The following HM13 variants were observed in gnomAD, a reference collection of about 807,000 sequenced individuals.
The protein encoded by HM13 is signal peptide peptidase.
Under a neutral mutation model 50.0 loss-of-function variants are expected in HM13, and 18 were observed. That is an observed-to-expected ratio of 0.36 (90% CI 0.25 to 0.53). HM13 has a LOEUF of 0.53. Ranked by LOEUF, HM13 falls within the 20% of genes least tolerant of loss-of-function variation. The pLI is 0.90. For synonymous variants in HM13, 197 were observed against 232.6 expected (o/e 0.85, Z 1.39); for missense variants, 393 against 552.4 (o/e 0.71, Z 2.89).
chr20:31,554,443 G>A (rs1393820627), intron 7 of HM13: 1 of 258,900 alleles, frequency 3.9e-6, no homozygotes, highest in African/African-American at 2.3e-5. Context: ...AGCACTTTGG[G>A]AGGTCGAGGC....
At chr20:31,548,315 T>C in intron 4 of HM13, 1 of 364,372 alleles carries the variant, frequency 2.7e-6, no homozygotes, top group Non-Finnish European at 5.1e-6. Context: ...CCACAGCCTC[T>C]AGTTGTCTTC....
intron 11 of HM13, 90 bp from the exon 12 acceptor site, chr20:31,567,988 T>C: frequency 8.7e-7 from 1 of 1,154,480 alleles, no homozygotes; most frequent in Non-Finnish European, 1.2e-6. Flanking sequence ...ACAGTTCTGC[T>C]CTCTGCTCCT....
chr20:31,523,435 G>A (rs1982301917), intron 1 of HM13, among the ~76,000 whole-genome samples: 1 of 151,906 alleles, frequency 6.6e-6, no homozygotes, highest in South Asian at 2.1e-4. Context: ...GCTAATTTTT[G>A]TATTTTTAGT....
rs141042234 is a variant in HM13 at position 31,523,377 on chromosome 20, C to T, written c.184-4107C>T. On this transcript the variant is annotated intron_variant, in intron 1 of 12. Coordinates refer to ENST00000398174, the MANE Select transcript of HM13 (RefSeq NM_178581.3). ...TCCCAGGTTCAAGCTATTCTCCTCC[C>T]TCAGCCTCCCAAGTAGCTGGGATTA... Among the ~76,000 whole-genome samples, 13 of 152,114 alleles carry T rather than the reference C, an allele frequency of 8.5e-5. No individual in the cohort carries two copies. The East Asian group carries it at 2.5e-3, about 29-fold the overall frequency.
chr20:31,514,865 T>A lies in HM13; in HGVS notation c.183+131T>A. 1 of 942,590 alleles carries A rather than the reference T, an allele frequency of 1.1e-6. No individual in the cohort carries two copies. The highest frequency in any genetic ancestry group is 3.1e-5 in the East Asian group (1 of 32,212). 58.4% of individuals were successfully genotyped at this position (942,590 alleles called of 1,614,324 possible). On this transcript the variant is annotated intron_variant, in intron 1 of 12. Coordinates refer to ENST00000398174, the MANE Select transcript of HM13 (RefSeq NM_178581.3). This position sits in a 1 kb window ranked among gnomAD's most constrained non-coding sequence, Gnocchi z 4.3. Reference sequence around the variant, plus strand: ...CCCAGCCCTGATCACCACCGTTCCCTCTGTCTCGGGCCCACATTCCGGGGC... The same window carrying A: ...CCCAGCCCTGATCACCACCGTTCCCACTGTCTCGGGCCCACATTCCGGGGC...
intron 2 of HM13, among the ~76,000 whole-genome samples, chr20:31,533,453 C>G (rs1320622199): frequency 6.6e-6 from 1 of 152,132 alleles, no homozygotes; most frequent in African/African-American, 2.4e-5. Flanking sequence ...TGTGGTGAGC[C>G]GAGAACATGC....
chr20:31,534,275 T>C (rs995672870), intron 2 of HM13, among the ~76,000 whole-genome samples: 1 of 152,042 alleles, frequency 6.6e-6, no homozygotes, highest in African/African-American at 2.4e-5. Context: ...TCACATGTTC[T>C]AGAGAAGGAG....
At chr20:31,542,952 G>A (rs1005720070) in intron 3 of HM13, among the ~76,000 whole-genome samples, 8 of 152,284 alleles carry the variant, frequency 5.3e-5, no homozygotes, top group African/African-American at 1.9e-4. Context: ...GTCTTTAACT[G>A]TCACACTCTG....
At chr20:31,530,657 C>G (rs1016558064) in intron 2 of HM13, among the ~76,000 whole-genome samples, 2 of 152,154 alleles carry the variant, frequency 1.3e-5, no homozygotes, top group African/African-American at 4.8e-5. Context: ...GATCCGCCTT[C>G]CTTAGCCTCC....
chr20:31,542,811 C>T (rs944371790), intron 3 of HM13, among the ~76,000 whole-genome samples: 1 of 152,174 alleles, frequency 6.6e-6, no homozygotes, highest in Non-Finnish European at 1.5e-5. Context: ...AATAGCCCTA[C>T]AAGAAAGGTG....
rs114208918 is a variant in HM13, at chr20:31,516,434, C to T, written c.183+1700C>T. On this transcript the variant is annotated intron_variant, in intron 1 of 12. Transcript: ENST00000398174. ...GCCCTGTCACCAAGGAATTCGGGAG[C>T]GTAGGTGAAAGAATAATAACTAGAT... Among the ~76,000 whole-genome samples the T allele has an allele frequency of 6.9e-3, 1,054 of 152,202 alleles. 12 individuals are homozygous for T. Among genetic ancestry groups the T allele is most frequent in the African/African-American group, 0.023 (962 of 41,518 alleles).
intron 2 of HM13, among the ~76,000 whole-genome samples, chr20:31,535,893 G>A (rs1983077239): frequency 1.3e-5 from 2 of 152,192 alleles, no homozygotes; most frequent in South Asian, 4.1e-4. Context: ...CACCAGGAAA[G>A]CATGGAAGAA....
intron 8 of HM13, among the ~76,000 whole-genome samples, chr20:31,555,495 A>AC (rs1984260013): frequency 6.6e-6 from 1 of 152,116 alleles, no homozygotes; most frequent in Non-Finnish European, 1.5e-5. Context: ...GCCTGGCCTC[A>AC]CTTTGGGGCA....
At chr20:31,555,806 A>C (rs76563951) in intron 8 of HM13, among the ~76,000 whole-genome samples, 2 of 138,128 alleles carry the variant, frequency 1.4e-5, no homozygotes, top group South Asian at 2.2e-4. Context: ...TCATCTCTAC[A>C]AAAAAAAAAA....
At chr20:31,531,132 C>T (rs1037649862) in intron 2 of HM13, among the ~76,000 whole-genome samples, 1 of 150,864 alleles carries the variant, frequency 6.6e-6, no homozygotes, top group African/African-American at 2.4e-5. Context: ...GCAACCTCCA[C>T]CTCCCAGGTT....
chr20:31,529,897 G>A (rs1982711174), intron 2 of HM13, among the ~76,000 whole-genome samples: 1 of 152,120 alleles, frequency 6.6e-6, no homozygotes. Flanking sequence ...AACCCGGGAG[G>A]CAGAGGTTGC....
intron 3 of HM13, among the ~76,000 whole-genome samples, chr20:31,542,896 G>A (rs1333874668): frequency 6.6e-6 from 1 of 152,160 alleles, no homozygotes; most frequent in Non-Finnish European, 1.5e-5. Context: ...ACTAATAAGT[G>A]GCAGAGTTAG....
chr20:31,545,672 A>G (rs1000917712), intron 4 of HM13, among the ~76,000 whole-genome samples: 2 of 152,184 alleles, frequency 1.3e-5, no homozygotes, highest in African/African-American at 4.8e-5. Flanking sequence ...TAGTTAGGGT[A>G]TGGATTCAAA....
At chr20:31,556,364 A>C (rs998664504) in intron 8 of HM13, among the ~76,000 whole-genome samples, 6 of 152,136 alleles carry the variant, frequency 3.9e-5, no homozygotes, top group Admixed American at 2.6e-4. Flanking sequence ...TTTTAAAAGA[A>C]GAGGAATTAT....
Sources: allele counts gnomAD v4.1 joint callset (sites outside exome capture counted in the v4.1 genomes callset), GRCh38; gene constraint gnomAD v4.1.1; non-coding constraint Gnocchi (gnomAD v3.1); transcripts MANE v1.5; gene names NCBI Gene and HGNC (gene_info 2026-07-23, HGNC 2026-07-21).